Variants in PTPN3 observed in about 807,000 individuals in gnomAD.
PTPN3 encodes the protein protein tyrosine phosphatase non-receptor type 3, also known as tyrosine-protein phosphatase non-receptor type 3.
Under a neutral mutation model 132.7 loss-of-function variants are expected in PTPN3, and 96 were observed. The ratio of observed to expected loss-of-function variants is 0.72; its 90% CI spans 0.61 to 0.86. The LOEUF (loss-of-function observed/expected upper bound fraction) is 0.86, where lower values mean the gene tolerates loss of function less well. PTPN3 is among the 40% of genes least tolerant of loss of function. PTPN3 has a pLI of 0.00. For synonymous variants in PTPN3, 398 were observed against 429.0 expected (o/e 0.93, Z 0.89); for missense variants, 1,125 against 1,159.6 (o/e 0.97, Z 0.43).
At chr9:109,444,993 T>C (rs559847851) in intron 7 of PTPN3, among the ~76,000 whole-genome samples, 1 of 152,380 alleles carries the variant, frequency 6.6e-6, no homozygotes, top group African/African-American at 2.4e-5. Context: ...ATGGGCTCCC[T>C]TGGAGAAAAT....
upstream of PTPN3, among the ~76,000 whole-genome samples, chr9:109,502,702 G>T (rs1847876462): frequency 6.6e-6 from 1 of 152,148 alleles, no homozygotes; most frequent in African/African-American, 2.4e-5. Flanking sequence ...AGACTGAGGT[G>T]GGAGGATCAC....
chr9:109,488,693 A>G (rs1467121179), intron 1 of PTPN3, among the ~76,000 whole-genome samples: 1 of 152,200 alleles, frequency 6.6e-6, no homozygotes, highest in Admixed American at 6.5e-5. Context: ...TTCTAGGCAG[A>G]AAATAAGTTA....
At chr9:109,460,183 T>C (rs1003049342) in intron 2 of PTPN3, among the ~76,000 whole-genome samples, 3 of 152,200 alleles carry the variant, frequency 2.0e-5, no homozygotes, top group African/African-American at 7.2e-5. Context: ...TTTTGCTGCA[T>C]TGCTCAGGCC....
chr9:109,489,056 A>G (rs1223188030), intron 1 of PTPN3, among the ~76,000 whole-genome samples: 1 of 152,252 alleles, frequency 6.6e-6, no homozygotes. Context: ...GATAAGGTCT[A>G]GGGTGACTCC....
intron 14 of PTPN3, among the ~76,000 whole-genome samples, chr9:109,415,966 ACT>A (rs1842456405): frequency 6.6e-6 from 1 of 151,950 alleles, no homozygotes; most frequent in Non-Finnish European, 1.5e-5. Flanking sequence ...GGACACAAAC[ACT>A]CTGAACAAAA....
intron 14 of PTPN3, among the ~76,000 whole-genome samples, chr9:109,410,820 CG>C (rs1842019162): frequency 6.6e-6 from 1 of 152,170 alleles, no homozygotes; most frequent in African/African-American, 2.4e-5. Context: ...CTCACTTCTG[CG>C]GATGGTTCTG....
chr9:109,467,963 C>G (rs1846182212), intron 1 of PTPN3, among the ~76,000 whole-genome samples: 1 of 152,168 alleles, frequency 6.6e-6, no homozygotes, highest in South Asian at 2.1e-4. Context: ...CAGAAATCTT[C>G]CTACAATGGT....
chr9:109,493,047 T>A (rs1035909914), intron 1 of PTPN3, among the ~76,000 whole-genome samples: 3 of 152,238 alleles, frequency 2.0e-5, no homozygotes, highest in African/African-American at 7.2e-5. Context: ...GAGAAACATC[T>A]GTTTTTATAT....
intron 10 of PTPN3, among the ~76,000 whole-genome samples, chr9:109,431,605 T>C (rs1843668329): frequency 6.6e-6 from 1 of 152,238 alleles, no homozygotes; most frequent in African/African-American, 2.4e-5. Flanking sequence ...CTGCTATCTG[T>C]TACACTGATT....
intron 16 of PTPN3, 60 bp from the exon 17 acceptor site, chr9:109,408,437 C>CAA: frequency 1.4e-6 from 2 of 1,380,600 alleles, no homozygotes; most frequent in Non-Finnish European, 2.0e-6. Context: ...AACAAACAAA[C>CAA]AAAAAAACGA....
At chr9:109,381,186 A>G (rs1431054420) in intron 25 of PTPN3, among the ~76,000 whole-genome samples, 1 of 152,182 alleles carries the variant, frequency 6.6e-6, no homozygotes, top group Non-Finnish European at 1.5e-5. Flanking sequence ...GGAAATCCCC[A>G]AGAGTTATCC....
chr9:109,487,943 T>C (rs1043992174), intron 1 of PTPN3, among the ~76,000 whole-genome samples: 6 of 152,162 alleles, frequency 3.9e-5, no homozygotes, highest in African/African-American at 9.7e-5. Flanking sequence ...AGAGCCTCGG[T>C]TTCTCCATCC....
At chr9:109,448,326 C>G (rs781192094) in intron 6 of PTPN3, among the ~76,000 whole-genome samples, 1 of 152,168 alleles carries the variant, frequency 6.6e-6, no homozygotes, top group Non-Finnish European at 1.5e-5. Flanking sequence ...GGAGGTAGCT[C>G]AGGGACCATC....
At chr9:109,499,884 A>C (rs1466091889), upstream of PTPN3, among the ~76,000 whole-genome samples, 1 of 152,090 alleles carries the variant, frequency 6.6e-6, no homozygotes, top group Non-Finnish European at 1.5e-5. Context: ...AGTCGCCAGC[A>C]AAACCTGGAG....
At chr9:109,413,474 G>A (rs1226284226) in intron 14 of PTPN3, among the ~76,000 whole-genome samples, 1 of 152,238 alleles carries the variant, frequency 6.6e-6, no homozygotes, top group African/African-American at 2.4e-5. Context: ...AGGGTGGCCA[G>A]GGGTGAAGGC....
chr9:109,396,461 C>G (rs760095736), intron 19 of PTPN3, among the ~76,000 whole-genome samples: 1 of 152,126 alleles, frequency 6.6e-6, no homozygotes, highest in Admixed American at 6.5e-5. Context: ...AGGGAGACAA[C>G]AGCTCCTGGC....
Position 109,433,916 on chromosome 9 carries a change from T to TAA in PTPN3, c.676-757_676-756dup, listed in dbSNP as rs1170933792. On this transcript the variant is annotated intron_variant, in intron 9 of 25. Transcript: ENST00000374541. The stretch of plus-strand genomic sequence containing the variant: ...CTAGGCAGCAGAGGGAGACTCTGTT[T>TAA]AAAAAAAAAAAAAAAAAAAAAAAAA... 9.7e-4 allele frequency among the ~76,000 whole-genome samples: 95 copies of TAA among 98,296 alleles called. 2 individuals carry two copies. The highest frequency in any genetic ancestry group is 5.4e-3 in the East Asian group (16 of 2,944). 64.5% of individuals were successfully genotyped at this position (98,296 alleles called of 152,430 possible).
rs1846782550 is a variant in PTPN3 at position 109,478,222 on chromosome 9, G to A, written c.-17-14771C>T. The stretch of plus-strand genomic sequence containing the variant: ...GGCTACAAAGGGCGTGGACTCTGAT[G>A]TGCTCAGGTTGAACAAAACAAGCCA... On this transcript the variant is annotated intron_variant, in intron 1 of 25. Transcript: ENST00000374541. Among the ~76,000 whole-genome samples, 3 of 152,362 alleles carry A rather than the reference G, an allele frequency of 2.0e-5. No homozygotes were observed. In the South Asian group the frequency reaches 6.2e-4, roughly 32 times the overall value.
Position 109,382,393 on chromosome 9 carries a change from C to G in PTPN3, c.2437G>C (p.Gly813Arg). 1.2e-6 allele frequency: 2 copies of G among 1,614,168 alleles called. No individual in the cohort carries two copies. Among genetic ancestry groups the G allele is most frequent in the Non-Finnish European group, 8.5e-7 (1 of 1,180,008 alleles). The part of the protein sequence containing the change: ...HLQYVAWPDH[G>R]VPDDSSDFLE... ...AAGTCGGAGGAGTCATCGGGCACAC[C>G]GTGGTCAGGCCATGCGACGTACTGG... is the stretch of plus-strand genomic sequence containing the variant. The change falls in exon 24 of 26, where the codon GGT becomes CGT. Residue 813 changes from glycine (G) to arginine (R), a missense_variant. Transcript: ENST00000374541.
Sources: gnomAD v4.1 joint callset for allele counts (sites outside exome capture counted in the v4.1 genomes callset) on GRCh38, gnomAD v4.1.1 for gene constraint, MANE v1.5 for transcripts, NCBI Gene and HGNC (gene_info 2026-07-23, HGNC 2026-07-21) for gene names.